The following TMEM201 variants were observed in gnomAD, a reference collection of about 807,000 sequenced individuals.
TMEM201 encodes the protein RP13-15M17.2.
Under a neutral mutation model 63.4 loss-of-function variants are expected in TMEM201, and 26 were observed. That is an observed-to-expected ratio of 0.41 (90% CI 0.30 to 0.57). TMEM201 has a LOEUF of 0.57. Ranked by LOEUF, TMEM201 falls within the 20% of genes least tolerant of loss-of-function variation. The pLI, the probability that TMEM201 is intolerant of heterozygous loss-of-function variation, is 0.29. For missense variants in TMEM201, 794 were observed against 917.7 expected, an observed-to-expected ratio of 0.87 and a Z score of 1.74; for synonymous variants, 417 against 421.6, an observed-to-expected ratio of 0.99 and a Z score of 0.14.
rs1644134892 is a variant in TMEM201, at chr1:9,601,245, C to A, written c.747C>A (p.Ala249=). The stretch of plus-strand genomic sequence containing the variant: ...CCCCAGGCACCACTGTGCCCCTGGC[C>A]CTGCCACCTGGTGGCAATGGCTCAG... ...HFAPGTTVPL[A]LPPGGNGSAT... The change falls in exon 5 of 11, where the codon GCC becomes GCA. Residue 249 remains alanine, a synonymous_variant. Transcript: ENST00000340381. The A allele has an allele frequency of 6.2e-7, 1 of 1,611,380 alleles. No individual in the cohort carries two copies. Among genetic ancestry groups the A allele is most frequent in the African/African-American group, 1.3e-5 (1 of 75,058 alleles).
In TMEM201 at chr1:9,608,118, A is replaced by G. The variant is rs539250815; in HGVS notation, c.1393+329A>G. ...TAACTGGGCATGGTGGCGTACACCT[A>G]TAGTCCCAGCTATTTAGGCTGAGGT... On this transcript the variant is annotated intron_variant, in intron 7 of 10. Transcript: ENST00000340381. This position sits in a 1 kb window ranked among gnomAD's most constrained non-coding sequence, Gnocchi z 4.3. Among the ~76,000 whole-genome samples the G allele has an allele frequency of 3.6e-4, 55 of 152,180 alleles. No individual in the cohort carries two copies. Among genetic ancestry groups the G allele is most frequent in the Non-Finnish European group, 6.9e-4 (47 of 68,010 alleles).
Position 9,602,221 on chromosome 1 carries a change from C to G in TMEM201, c.1109C>G (p.Ala370Gly). 1 of 1,612,578 alleles carries G rather than the reference C, an allele frequency of 6.2e-7. No individual in the cohort carries two copies. Among genetic ancestry groups the G allele is most frequent in the Non-Finnish European group, 8.5e-7 (1 of 1,179,958 alleles). ...TSLCCLVGFT[A>G]AVATRKATGP... is the part of the protein sequence containing the mutation. Reference sequence around the variant, plus strand: ...TTGTGCTGCCTGGTTGGCTTCACGGCGGCTGTGGCCACAAGGAAGGCAACG... The same window carrying G: ...TTGTGCTGCCTGGTTGGCTTCACGGGGGCTGTGGCCACAAGGAAGGCAACG... The change falls in exon 6 of 11, where the codon GCG becomes GGG. Residue 370 changes from alanine (A) to glycine (G), a missense_variant. Coordinates refer to ENST00000340381, the MANE Select transcript of TMEM201 (RefSeq NM_001130924.3).
intron 4 of TMEM201, 87 bp from the exon 5 acceptor site, chr1:9,601,018 C>A: frequency 8.1e-7 from 1 of 1,239,208 alleles, no homozygotes; most frequent in Non-Finnish European, 1.1e-6. Flanking sequence ...ATGGGTCTGG[C>A]CAGAACCCCG....
Position 9,601,174 on chromosome 1 carries a change from G to A in TMEM201, c.676G>A (p.Ala226Thr), listed in dbSNP as rs569987514. ...CCGTGCCCTCGCCTTCCTGGCCTGC[G>A]CCTTCCTACTGACCACCGCGCTGTA... is the stretch of plus-strand genomic sequence containing the variant. Reference protein sequence around the residue: ...LLRALAFLACAFLLTTALYGA... With the variant: ...LLRALAFLACTFLLTTALYGA... Residue 226 changes from alanine (A) to threonine (T), a missense_variant, in exon 5 of 11, where the codon GCC becomes ACC. Ala to Thr is a moderately conservative substitution (Grantham distance 58). Coordinates refer to ENST00000340381, the MANE Select transcript of TMEM201 (RefSeq NM_001130924.3). 36 of 1,611,124 alleles carry A rather than the reference G, an allele frequency of 2.2e-5. No individual in the cohort carries two copies. The highest frequency in any genetic ancestry group is 1.1e-4 in the South Asian group (10 of 91,024).
In TMEM201 at chr1:9,610,618, C is replaced by G; in HGVS notation, c.1578C>G (p.Pro526=). 1 of 1,550,710 alleles carries G rather than the reference C, an allele frequency of 6.4e-7. No individual in the cohort carries two copies. Among genetic ancestry groups the G allele is most frequent in the Non-Finnish European group, 8.7e-7 (1 of 1,146,920 alleles). The part of the protein sequence containing the change: ...SSSGSLRHRR[P]LISPARLNLK... Reference sequence around the variant, plus strand: ...CCGGCTCTCTGCGCCACCGCAGGCCCCTCATCAGCCCTGCCCGGCTCAACC... The same window carrying G: ...CCGGCTCTCTGCGCCACCGCAGGCCGCTCATCAGCCCTGCCCGGCTCAACC... The change falls in exon 9 of 11, where the codon CCC becomes CCG. Residue 526 remains proline, a synonymous_variant. Coordinates refer to ENST00000340381, the MANE Select transcript of TMEM201 (RefSeq NM_001130924.3). This position sits in a 1 kb window ranked among gnomAD's most constrained non-coding sequence, Gnocchi z 4.9.
chr1:9,611,671 T>A (rs549850290), intron 9 of TMEM201, 82 bp from the exon 10 acceptor site: 4 of 1,530,628 alleles, frequency 2.6e-6, no homozygotes, highest in Non-Finnish European at 3.5e-6. Flanking sequence ...CAACTGTCCT[T>A]AGAGTGGAAG....
In TMEM201 at chr1:9,610,672, G is replaced by C. The variant is rs557143416; in HGVS notation, c.1632G>C (p.Pro544=). The C allele has an allele frequency of 5.8e-6, 9 of 1,550,518 alleles. No individual in the cohort carries two copies. In the South Asian group the frequency reaches 1.1e-4, roughly 18 times the overall value. Residue 544 remains proline, a synonymous_variant, in exon 9 of 11, where the codon CCG becomes CCC. Transcript: ENST00000340381. The surrounding 1 kb of genome is among the most constrained non-coding windows in gnomAD (Gnocchi z 4.9). The part of the protein sequence containing the change: ...NLKGQKLLLF[P]SPPGEAPTTP... Reference sequence around the variant, plus strand: ...AGGGACAGAAGCTGCTGCTGTTCCCGTCACCCCCTGGAGAGGCCCCCACCA... The same window carrying C: ...AGGGACAGAAGCTGCTGCTGTTCCCCTCACCCCCTGGAGAGGCCCCCACCA...
Position 9,604,390 on chromosome 1 carries a change from G to A in TMEM201, c.1160+2118G>A, listed in dbSNP as rs990381773. On this transcript the variant is annotated intron_variant, in intron 6 of 10. Transcript: ENST00000340381. The surrounding 1 kb of genome is among the most constrained non-coding windows in gnomAD (Gnocchi z 4.1). ...AGTGAGGATTCCTGCCTTTCGTAGAGTTTTGTGTGACTTTTTAAATTATTC... is the reference window on the plus strand; with the variant it reads ...AGTGAGGATTCCTGCCTTTCGTAGAATTTTGTGTGACTTTTTAAATTATTC... 3 of 985,292 alleles carry A rather than the reference G, an allele frequency of 3.0e-6. No individual in the cohort carries two copies. The highest frequency in any genetic ancestry group is 1.7e-5 in the African/African-American group (1 of 57,220). 61.0% of individuals were successfully genotyped at this position (985,292 alleles called of 1,614,324 possible). A position where few individuals can be genotyped will look rare whatever the true frequency, so the allele number is the denominator to read the frequency against.
chr1:9,600,511 C>T (rs1160074399), intron 4 of TMEM201, among the ~76,000 whole-genome samples: 3 of 152,162 alleles, frequency 2.0e-5, no homozygotes, highest in Admixed American at 6.5e-5. Context: ...ATAATAAACG[C>T]GTGGTGATAC....
rs567377963 is a variant in TMEM201, at chr1:9,607,375, C to T, written c.1161-182C>T. On this transcript the variant is annotated intron_variant, in intron 6 of 10. Coordinates refer to ENST00000340381, the MANE Select transcript of TMEM201 (RefSeq NM_001130924.3). The surrounding 1 kb of genome is among the most constrained non-coding windows in gnomAD (Gnocchi z 5.4). The stretch of plus-strand genomic sequence containing the variant: ...GTCTTGCTGGCACCTCCCAGCCACC[C>T]GCTCCTAATGGCGTGAATGTGGTCG... 6.6e-5 allele frequency among the ~76,000 whole-genome samples: 10 copies of T among 151,986 alleles called. No individual in the cohort carries two copies. The highest frequency in any genetic ancestry group is 2.0e-4 in the Admixed American group (3 of 15,294).
Position 9,603,270 on chromosome 1 carries a change from G to T in TMEM201, c.1160+998G>T, listed in dbSNP as rs758224206. On this transcript the variant is annotated intron_variant, in intron 6 of 10. Coordinates refer to ENST00000340381, the MANE Select transcript of TMEM201 (RefSeq NM_001130924.3). The surrounding 1 kb of genome is among the most constrained non-coding windows in gnomAD (Gnocchi z 4.5). ...CCCCTGCTGTTCTCAGCCTCAGTTT[G>T]CCATCTATGAAATGAGGTGGACCCC... The T allele has an allele frequency of 7.1e-6, 7 of 984,834 alleles. No individual in the cohort carries two copies. Among genetic ancestry groups the T allele is most frequent in the Non-Finnish European group, 8.4e-6 (7 of 829,372 alleles). The allele number at this position is 984,834 out of a possible 1,614,324, so 61.0% of individuals were successfully genotyped here.
intron 4 of TMEM201, 77 bp from the exon 5 acceptor site, chr1:9,601,027 CG>C: frequency 7.5e-7 from 1 of 1,334,592 alleles, no homozygotes; most frequent in Non-Finnish European, 1.0e-6. Context: ...GCCAGAACCC[CG>C]CACAGACTGG....
chr1:9,598,939 G>A (rs1008910461), intron 4 of TMEM201, among the ~76,000 whole-genome samples: 1 of 150,996 alleles, frequency 6.6e-6, no homozygotes, highest in Non-Finnish European at 1.5e-5. Flanking sequence ...GTGAGCCACT[G>A]CACCCGTCCT....
rs1644304309 is a variant in TMEM201, at chr1:9,610,356, C to T, written c.1466-150C>T. On this transcript the variant is annotated intron_variant, in intron 8 of 10. Transcript: ENST00000340381. This position sits in a 1 kb window ranked among gnomAD's most constrained non-coding sequence, Gnocchi z 4.9. ...GTAGAGGGCACCTCTCCTCCTTCAG[C>T]TTTGCAGCAGGACTTCCCCCTGTCC... 2.4e-5 allele frequency: 20 copies of T among 836,320 alleles called. 1 individual carries two copies. The South Asian group carries it at 3.7e-4, about 16-fold the overall frequency. The allele number at this position is 836,320 out of a possible 1,614,324, so 51.8% of individuals were successfully genotyped here. A position where few individuals can be genotyped will look rare whatever the true frequency, so the allele number is the denominator to read the frequency against.
At chr1:9,594,292 A>C (rs867693871) in intron 1 of TMEM201, among the ~76,000 whole-genome samples, 10 of 152,180 alleles carry the variant, frequency 6.6e-5, no homozygotes, top group Non-Finnish European at 1.5e-5. Flanking sequence ...GACAAGATGC[A>C]GCGGTCCTTG....
rs1435800837 is a variant in TMEM201 at position 9,603,011 on chromosome 1, G to A, written c.1160+739G>A. 1.0e-6 allele frequency: 1 copy of A among 985,598 alleles called. No individual in the cohort carries two copies. The highest frequency in any genetic ancestry group is 1.7e-5 in the African/African-American group (1 of 57,366). 61.1% of individuals were successfully genotyped at this position (985,598 alleles called of 1,614,324 possible). A position where few individuals can be genotyped will look rare whatever the true frequency, so the allele number is the denominator to read the frequency against. ...GAGTTTGGGGAGCGAGACCCCACCT[G>A]AGACAGGCAGTAGGAGCCTGTGCTG... On this transcript the variant is annotated intron_variant, in intron 6 of 10. Transcript: ENST00000340381. The surrounding 1 kb of genome is among the most constrained non-coding windows in gnomAD (Gnocchi z 4.5).
At position 9,595,987 on chromosome 1, in the gene TMEM201, G is replaced by A. The variant is rs747300480; in HGVS notation, c.211G>A (p.Glu71Lys). 14 of 1,613,048 alleles carry A rather than the reference G, an allele frequency of 8.7e-6. No individual in the cohort carries two copies. Among genetic ancestry groups the A allele is most frequent in the East Asian group, 2.2e-5 (1 of 44,898 alleles). ...NRNCWDCPHC[E>K]QYNGFQENGD... ...CAACTGCTGGGACTGTCCCCACTGC[G>A]AGCAGTACAACGGCTTCCAGGAGGT... The change falls in exon 2 of 11, where the codon GAG becomes AAG. Residue 71 changes from glutamate (E) to lysine (K), a missense_variant. Glu to Lys is a moderately conservative substitution (Grantham distance 56). Coordinates refer to ENST00000340381, the MANE Select transcript of TMEM201 (RefSeq NM_001130924.3).
rs1313739105 is a variant in TMEM201 at position 9,603,081 on chromosome 1, A to G, written c.1160+809A>G. ...TTTCCAAGGGTAAGGGGCCCAGGGT[A>G]TGCAGGCCTTCAGTGACATCAGGTC... On this transcript the variant is annotated intron_variant, in intron 6 of 10. Transcript: ENST00000340381. The surrounding 1 kb of genome is among the most constrained non-coding windows in gnomAD (Gnocchi z 4.5). The G allele has an allele frequency of 1.0e-6, 1 of 985,478 alleles. No homozygotes were observed. The highest frequency in any genetic ancestry group is 1.2e-6 in the Non-Finnish European group (1 of 829,970). The allele number at this position is 985,478 out of a possible 1,614,324, so 61.0% of individuals were successfully genotyped here.
chr1:9,607,477 G>A lies in TMEM201; in HGVS notation c.1161-80G>A. On this transcript the variant is annotated intron_variant, in intron 6 of 10. Coordinates refer to ENST00000340381, the MANE Select transcript of TMEM201 (RefSeq NM_001130924.3). The surrounding 1 kb of genome is among the most constrained non-coding windows in gnomAD (Gnocchi z 5.4). ...GGCCCCCACCTTGCACTGTGGGAGA[G>A]GGGTGGGACCCACTGCAAGGCTGCC... is the stretch of plus-strand genomic sequence containing the variant. 1 of 1,122,018 alleles carries A rather than the reference G, an allele frequency of 8.9e-7. No homozygotes were observed. Among genetic ancestry groups the A allele is most frequent in the South Asian group, 1.5e-5 (1 of 65,372 alleles). 69.5% of individuals were successfully genotyped at this position (1,122,018 alleles called of 1,614,324 possible). A position where few individuals can be genotyped will look rare whatever the true frequency, so the allele number is the denominator to read the frequency against.
Sources: allele counts gnomAD v4.1 joint callset (sites outside exome capture counted in the v4.1 genomes callset), GRCh38; gene constraint gnomAD v4.1.1; non-coding constraint Gnocchi (gnomAD v3.1); transcripts MANE v1.5; gene names NCBI Gene and HGNC (gene_info 2026-07-23, HGNC 2026-07-21).